Variants in SREK1IP1 observed in about 807,000 individuals in gnomAD.
SREK1IP1 encodes the protein protein SREK1IP1.
In SREK1IP1, 12 loss-of-function variants were observed where a neutral mutation model predicts 22.8. The observed-to-expected ratio is 0.53, with a 90% CI of 0.34 to 0.85. The LOEUF is 0.85. Among genes scored for constraint, SREK1IP1 ranks in the 40% least tolerant of loss-of-function variants. SREK1IP1 has a pLI of 0.02. For synonymous variants in SREK1IP1, 53 were observed against 52.7 expected, an observed-to-expected ratio of 1.01 and a Z score of -0.02; for missense variants, 147 against 171.8, an observed-to-expected ratio of 0.86 and a Z score of 0.81.
chr5:64,747,679 A>T (rs1321895361), intron 2 of SREK1IP1, among the ~76,000 whole-genome samples: 1 of 151,966 alleles, frequency 6.6e-6, no homozygotes, highest in Non-Finnish European at 1.5e-5. Flanking sequence ...CTGTAATCCC[A>T]GCACTTTGGG....
intron 2 of SREK1IP1, among the ~76,000 whole-genome samples, chr5:64,746,024 C>T (rs1052337347): frequency 1.3e-5 from 2 of 152,102 alleles, no homozygotes; most frequent in African/African-American, 4.8e-5. Flanking sequence ...TAAGAATAGA[C>T]ACACAGACCA....
rs1223493188 is a variant in SREK1IP1, at chr5:64,721,705, G to A, written c.*2679C>T. 1 of 152,074 alleles carries A rather than the reference G, an allele frequency of 6.6e-6. No homozygotes were observed. The allele number at this position is 152,074 out of a possible 1,614,324, so 9.4% of individuals were successfully genotyped here. On this transcript the variant is annotated 3_prime_UTR_variant, in exon 5 of 5. Coordinates refer to ENST00000513458, the MANE Select transcript of SREK1IP1 (RefSeq NM_173829.4). ...AATTCTGCCTGCATTTGGTGAAAAT[G>A]ACATGCATTAGGTTGTAAGAATATG...
rs1427211320 is a variant in SREK1IP1 at position 64,723,602 on chromosome 5, AAAC to A, written c.*779_*781del. The A allele has an allele frequency of 3.3e-5, 5 of 152,584 alleles. No homozygotes were observed. Among genetic ancestry groups the A allele is most frequent in the Admixed American group, 1.3e-4 (2 of 15,274 alleles). 9.5% of individuals were successfully genotyped at this position (152,584 alleles called of 1,614,324 possible). A position where few individuals can be genotyped will look rare whatever the true frequency, so the allele number is the denominator to read the frequency against. On this transcript the variant is annotated 3_prime_UTR_variant, in exon 5 of 5. Transcript: ENST00000513458. ...GACATGCCAATATGGCACATTTGTA[AAAC>A]AACCCAGGAGTCTATTCTAAAAATC...
At chr5:64,737,075 T>C (rs779711204) in intron 3 of SREK1IP1, among the ~76,000 whole-genome samples, 1 of 152,180 alleles carries the variant, frequency 6.6e-6, no homozygotes, top group Non-Finnish European at 1.5e-5. Flanking sequence ...CTAGGTTTTA[T>C]AGAGAAATTG....
chr5:64,753,810 T>G (rs1049242615), intron 2 of SREK1IP1, among the ~76,000 whole-genome samples: 7 of 152,328 alleles, frequency 4.6e-5, no homozygotes, highest in African/African-American at 1.7e-4. Context: ...ATATTTATAA[T>G]TACACATGCT....
chr5:64,767,296 T>C (rs1201569554), intron 1 of SREK1IP1, among the ~76,000 whole-genome samples: 1 of 152,242 alleles, frequency 6.6e-6, no homozygotes, highest in Non-Finnish European at 1.5e-5. Context: ...TAAGGTCTTG[T>C]ATTTTCCTTG....
chr5:64,722,517 A>G lies in SREK1IP1; in HGVS notation c.*1867T>C, dbSNP rs958645570. On this transcript the variant is annotated 3_prime_UTR_variant, in exon 5 of 5. Transcript: ENST00000513458. ...CTAGTCAAGTCAAGCAGTGGGAGTA[A>G]AGAAACACCACTGCACTTGTGCCAG... The G allele has an allele frequency of 3.9e-5, 6 of 152,266 alleles. No individual in the cohort carries two copies. The highest frequency in any genetic ancestry group is 7.4e-5 in the Non-Finnish European group (5 of 68,002). 9.4% of individuals were successfully genotyped at this position (152,266 alleles called of 1,614,324 possible). A position where few individuals can be genotyped will look rare whatever the true frequency, so the allele number is the denominator to read the frequency against.
intron 2 of SREK1IP1, among the ~76,000 whole-genome samples, chr5:64,751,874 G>A (rs1209786162): frequency 2.0e-5 from 3 of 152,062 alleles, no homozygotes; most frequent in African/African-American, 7.2e-5. Flanking sequence ...CAATAAAAAA[G>A]TGACAAATTT....
chr5:64,732,078 T>G (rs1742390461), intron 3 of SREK1IP1, among the ~76,000 whole-genome samples: 3 of 152,190 alleles, frequency 2.0e-5, no homozygotes, highest in Non-Finnish European at 2.9e-5. Context: ...TTATCTCTAT[T>G]TCTAGTATCC....
intron 1 of SREK1IP1, among the ~76,000 whole-genome samples, chr5:64,761,772 G>A (rs909929095): frequency 2.6e-5 from 4 of 152,166 alleles, no homozygotes; most frequent in Non-Finnish European, 5.9e-5. Context: ...ACGCGTGTGC[G>A]TATACACACA....
At chr5:64,740,165 T>G (rs1204821654) in intron 3 of SREK1IP1, among the ~76,000 whole-genome samples, 1 of 152,032 alleles carries the variant, frequency 6.6e-6, no homozygotes, top group Admixed American at 6.6e-5. Flanking sequence ...AGGTCCGCTA[T>G]CCACTCTCTC....
chr5:64,751,999 T>G (rs1742749881), intron 2 of SREK1IP1, among the ~76,000 whole-genome samples: 1 of 152,170 alleles, frequency 6.6e-6, no homozygotes, highest in Non-Finnish European at 1.5e-5. Context: ...AAAACTATCA[T>G]GATTATTTGA....
Position 64,719,350 on chromosome 5 carries a change from T to A in SREK1IP1, c.*5034A>T, listed in dbSNP as rs75866141. ...GCAAAGGTTTAAATACTAAAATTGC[T>A]TAAAGTATATGTTAAGTTTGAAAAT... On this transcript the variant is annotated 3_prime_UTR_variant, in exon 5 of 5. Transcript: ENST00000513458. 6.6e-6 allele frequency: 1 copy of A among 152,196 alleles called. No homozygotes were observed. Among genetic ancestry groups the A allele is most frequent in the African/African-American group, 2.4e-5 (1 of 41,434 alleles). The allele number at this position is 152,196 out of a possible 1,614,324, so 9.4% of individuals were successfully genotyped here.
At chr5:64,747,708 C>CACG (rs1742664288) in intron 2 of SREK1IP1, among the ~76,000 whole-genome samples, 1 of 151,854 alleles carries the variant, frequency 6.6e-6, no homozygotes, top group Non-Finnish European at 1.5e-5. Context: ...GTGGGTGGAT[C>CACG]ACGAGGTCAG....
At chr5:64,728,278 T>C in intron 3 of SREK1IP1, 99 bp from the exon 4 acceptor site, 1 of 1,080,622 alleles carries the variant, frequency 9.3e-7, no homozygotes, top group Non-Finnish European at 1.2e-6. Context: ...GTTGGTGAAT[T>C]TCACTGGTTA....
At chr5:64,752,301 G>A (rs1271231099) in intron 2 of SREK1IP1, among the ~76,000 whole-genome samples, 3 of 151,736 alleles carry the variant, frequency 2.0e-5, no homozygotes, top group South Asian at 2.1e-4. Flanking sequence ...ACAGGCGCCC[G>A]CCACCACGTC....
intron 3 of SREK1IP1, among the ~76,000 whole-genome samples, chr5:64,737,378 CTT>C (rs976975285): frequency 1.3e-5 from 2 of 151,168 alleles, no homozygotes; most frequent in Non-Finnish European, 1.5e-5. Flanking sequence ...TTAAAAAAAA[CTT>C]GAGATAAATG....
intron 1 of SREK1IP1, among the ~76,000 whole-genome samples, chr5:64,760,384 A>G (rs1427744062): frequency 1.3e-5 from 2 of 152,214 alleles, no homozygotes; most frequent in Non-Finnish European, 2.9e-5. Flanking sequence ...ACATACAGAT[A>G]AGACAGCTGG....
At chr5:64,768,172 A>T (rs1474560660) in intron 1 of SREK1IP1, among the ~76,000 whole-genome samples, 1 of 152,032 alleles carries the variant, frequency 6.6e-6, no homozygotes, top group Non-Finnish European at 1.5e-5. Context: ...TTTTAGTTTT[A>T]AGCCATACCA....
Sources: allele counts gnomAD v4.1 joint callset (sites outside exome capture counted in the v4.1 genomes callset), GRCh38; gene constraint gnomAD v4.1.1; transcripts MANE v1.5; gene names NCBI Gene and HGNC (gene_info 2026-07-23, HGNC 2026-07-21).